NUP205: variants seen among roughly 807,000 people sequenced by gnomAD.
NUP205 encodes the protein nucleoporin 205.
A neutral mutation model predicts 253.8 loss-of-function variants in NUP205; 76 were observed. The ratio of observed to expected loss-of-function variants is 0.30; its 90% confidence interval spans 0.25 to 0.36. The LOEUF is 0.36. Among genes scored for constraint, NUP205 ranks in the 10% least tolerant of loss-of-function variants. The pLI, the probability that NUP205 is intolerant of heterozygous loss-of-function variation, is 1.00. For missense variants in NUP205, 2,162 were observed against 2,425.5 expected, an observed-to-expected ratio of 0.89 and a Z score of 2.28; for synonymous variants, 832 against 850.1, an observed-to-expected ratio of 0.98 and a Z score of 0.37.
intron 31 of NUP205, among the ~76,000 whole-genome samples, chr7:135,624,194 C>CT (rs1008588175): frequency 5.3e-5 from 8 of 151,226 alleles, no homozygotes; most frequent in East Asian, 3.9e-4. Flanking sequence ...GTAGTTATTA[C>CT]TTTTTTTTTC....
In NUP205 at chr7:135,597,500, A is replaced by G. The variant is rs1333765109; in HGVS notation, c.2064+82A>G. ...GTCTATGAATCATTCTTACCCTTTT[A>G]CGTTTCCATAATTATCAAATTTAAT... is the stretch of plus-strand genomic sequence containing the variant. On this transcript the variant is annotated intron_variant, in intron 14 of 42. Coordinates refer to ENST00000285968, the MANE Select transcript of NUP205 (RefSeq NM_015135.3). 4 of 806,334 alleles carry G rather than the reference A, an allele frequency of 5.0e-6. No individual in the cohort carries two copies. The African/African-American group carries it at 6.9e-5, about 14-fold the overall frequency. The allele number at this position is 806,334 out of a possible 1,614,324, so 49.9% of individuals were successfully genotyped here.
In NUP205 at chr7:135,587,699, A is replaced by G. The variant is rs1464072748; in HGVS notation, c.1335+8A>G. On this transcript the variant is annotated splice_region_variant and intron_variant, in intron 9 of 42. Coordinates refer to ENST00000285968, the MANE Select transcript of NUP205 (RefSeq NM_015135.3). ...GAACACTTAATGCTTTTGGTAAGCC[A>G]TTATATTAGAAAGCTTGTCCTCTTT... 2 of 1,570,984 alleles carry G rather than the reference A, an allele frequency of 1.3e-6. No individual in the cohort carries two copies. Among genetic ancestry groups the G allele is most frequent in the Non-Finnish European group, 1.7e-6 (2 of 1,156,044 alleles).
At chr7:135,588,385 C>T (rs1806531534) in intron 10 of NUP205, among the ~76,000 whole-genome samples, 1 of 151,032 alleles carries the variant, frequency 6.6e-6, no homozygotes, top group Non-Finnish European at 1.5e-5. Flanking sequence ...AAGTGTCCAT[C>T]TGCCTCGGCC....
chr7:135,575,480 A>G (rs753712534), intron 3 of NUP205, among the ~76,000 whole-genome samples: 31 of 152,144 alleles, frequency 2.0e-4, no homozygotes, highest in Non-Finnish European at 3.4e-4. Context: ...AACTGAAACT[A>G]TAGGCAAAGT....
chr7:135,619,841 A>T lies in NUP205; in HGVS notation c.4283A>T (p.Tyr1428Phe), dbSNP rs146549921. Reference sequence around the variant, plus strand: ...CACTTGTATGGCTCTCTGCTTTATTACTTACAGATTGCCCAGAGACCTGAT... The same window carrying T: ...CACTTGTATGGCTCTCTGCTTTATTTCTTACAGATTGCCCAGAGACCTGAT... ...RTHLYGSLLYYLQIAQRPDEP... is the reference protein window; with the variant it reads ...RTHLYGSLLYFLQIAQRPDEP... The change falls in exon 30 of 43, where the codon TAC becomes TTC. Residue 1428 changes from tyrosine (Y) to phenylalanine (F), a missense_variant. This residue lies in a region of NUP205 where 1,144 missense variants were observed against 1,280.9 expected (regional missense o/e 0.89). Transcript: ENST00000285968. 6.2e-7 allele frequency: 1 copy of T among 1,613,898 alleles called. No homozygotes were observed. Among genetic ancestry groups the T allele is most frequent in the Non-Finnish European group, 8.5e-7 (1 of 1,179,866 alleles).
At chr7:135,583,720 C>T (rs936107705) in intron 7 of NUP205, among the ~76,000 whole-genome samples, 1 of 152,058 alleles carries the variant, frequency 6.6e-6, no homozygotes, top group South Asian at 2.1e-4. Flanking sequence ...GATTGTACCA[C>T]TGCACTCCAG....
At chr7:135,563,438 T>C (rs1024170183) in intron 1 of NUP205, among the ~76,000 whole-genome samples, 1 of 152,072 alleles carries the variant, frequency 6.6e-6, no homozygotes, top group Non-Finnish European at 1.5e-5. Flanking sequence ...GTGGCCCGCC[T>C]TGGCCTCTCA....
intron 18 of NUP205, among the ~76,000 whole-genome samples, chr7:135,603,295 G>C (rs76395462): frequency 2.7e-5 from 4 of 150,892 alleles, no homozygotes; most frequent in Admixed American, 1.3e-4. Flanking sequence ...TTGTGTTTTT[G>C]GTAGAGACGG....
intron 35 of NUP205, among the ~76,000 whole-genome samples, chr7:135,631,065 G>A (rs1794703636): frequency 6.6e-6 from 1 of 151,358 alleles, no homozygotes; most frequent in Non-Finnish European, 1.5e-5. Context: ...TGCTTTATGT[G>A]TACGTACATA....
Position 135,644,955 on chromosome 7 carries a change from C to G in NUP205, c.5620C>G (p.Leu1874Val), listed in dbSNP as rs746875992. 1.9e-6 allele frequency: 3 copies of G among 1,614,062 alleles called. No homozygotes were observed. Among genetic ancestry groups the G allele is most frequent in the Non-Finnish European group, 2.5e-6 (3 of 1,179,942 alleles). ...AATCTCCACTGCTCAGAAATATGTT[C>G]TAGCAAGACGGCGCTTGGTGAAGGT... Reference protein sequence around the residue: ...DKISTAQKYVLARRRLVKVIN... With the variant: ...DKISTAQKYVVARRRLVKVIN... Residue 1874 changes from leucine to valine, a missense_variant, in exon 40 of 43, where the codon CTA (leucine) becomes GTA (valine). Physicochemically the swap from Leu to Val is conservative, Grantham distance 32 (BLOSUM62 1). Transcript: ENST00000285968.
At chr7:135,592,764 G>A (rs1246343731) in intron 11 of NUP205, among the ~76,000 whole-genome samples, 2 of 152,180 alleles carry the variant, frequency 1.3e-5, no homozygotes, top group Non-Finnish European at 2.9e-5. Context: ...GTGCACGCCT[G>A]TAATCTCAGC....
At position 135,606,888 on chromosome 7, in the gene NUP205, G is replaced by A. The variant is rs1331301244; in HGVS notation, c.3043G>A (p.Val1015Ile). The A allele has an allele frequency of 6.2e-6, 10 of 1,613,986 alleles. No homozygotes were observed. In the South Asian group the frequency reaches 9.9e-5, roughly 16 times the overall value. ...GTTGGGCTTTGAATTGAAAAAACCT[G>A]TCAGTACTACAAACCTACAAGATCC... ...YLLGFELKKP[V>I]STTNLQDPGV... The change falls in exon 21 of 43, where the codon GTC becomes ATC. Residue 1015 changes from valine to isoleucine, a missense_variant. Physicochemically the swap from Val to Ile is conservative, Grantham distance 29 (BLOSUM62 3). Around this residue, in one of 5 missense-constraint regions of NUP205, gnomAD observed 1,144 missense variants for 1,280.9 expected, o/e 0.89. Transcript: ENST00000285968.
Position 135,648,503 on chromosome 7 carries a change from A to C in NUP205, c.5986A>C (p.Ile1996Leu), listed in dbSNP as rs772194047. The stretch of plus-strand genomic sequence containing the variant: ...AAAAGTTCGATCTCGATATAGTTTC[A>C]TACAGGCTCTTGTCAGACGTATCCG... Reference protein sequence around the residue: ...YSKVRSRYSFIQALVRRIRGL... With the variant: ...YSKVRSRYSFLQALVRRIRGL... Residue 1996 changes from isoleucine to leucine, a missense_variant, in exon 43 of 43, where the codon ATA (isoleucine) becomes CTA (leucine). Physicochemically the swap from Ile to Leu is conservative, Grantham distance 5 (BLOSUM62 2). Coordinates refer to ENST00000285968, the MANE Select transcript of NUP205 (RefSeq NM_015135.3). 10 of 1,605,618 alleles carry C rather than the reference A, an allele frequency of 6.2e-6. No homozygotes were observed. The highest frequency in any genetic ancestry group is 8.5e-6 in the Non-Finnish European group (10 of 1,177,378).
At chr7:135,582,060 C>G (rs1806320700) in intron 7 of NUP205, among the ~76,000 whole-genome samples, 1 of 151,936 alleles carries the variant, frequency 6.6e-6, no homozygotes, top group Non-Finnish European at 1.5e-5. Context: ...CTGAGGTAGT[C>G]AGATCACTTG....
intron 8 of NUP205, among the ~76,000 whole-genome samples, chr7:135,585,870 A>G (rs1423131673): frequency 1.3e-5 from 2 of 152,190 alleles, no homozygotes; most frequent in East Asian, 3.9e-4. Flanking sequence ...ATTGCAGTGT[A>G]TAAAAGGGCT....
chr7:135,566,773 T>C (rs1805771920), intron 1 of NUP205, among the ~76,000 whole-genome samples: 1 of 152,180 alleles, frequency 6.6e-6, no homozygotes, highest in Non-Finnish European at 1.5e-5. Flanking sequence ...AGTCTTGCTC[T>C]GTTGCCCAGG....
intron 42 of NUP205, among the ~76,000 whole-genome samples, chr7:135,647,743 TAATA>T (rs1429652013): frequency 2.0e-5 from 3 of 152,326 alleles, no homozygotes; most frequent in African/African-American, 4.8e-5. Context: ...AATGCAGGAT[TAATA>T]AATAATCTCA....
chr7:135,566,279 T>C (rs1046379646), intron 1 of NUP205, among the ~76,000 whole-genome samples: 7 of 152,076 alleles, frequency 4.6e-5, no homozygotes, highest in Non-Finnish European at 1.0e-4. Flanking sequence ...TGGCTAATTT[T>C]TGTATTTCTA....
chr7:135,594,266 C>A (rs1313210444), intron 12 of NUP205, among the ~76,000 whole-genome samples: 2 of 151,882 alleles, frequency 1.3e-5, no homozygotes, highest in Non-Finnish European at 2.9e-5. Context: ...TTTATCCAAC[C>A]CTTGCGGACC....
Sources: gnomAD v4.1 joint callset for allele counts (sites outside exome capture counted in the v4.1 genomes callset) on GRCh38, gnomAD v4.1.1 for gene constraint, gnomAD v4.1.1 regional missense constraint, MANE v1.5 for transcripts, NCBI Gene and HGNC (gene_info 2026-07-23, HGNC 2026-07-21) for gene names.